Variants in DPP6 observed in about 807,000 individuals in gnomAD.
The protein encoded by DPP6 is dipeptidyl peptidase like 6.
Under a neutral mutation model 122.6 loss-of-function variants are expected in DPP6, and 69 were observed. The ratio of observed to expected loss-of-function variants is 0.56; its 90% CI spans 0.46 to 0.69. DPP6 has a LOEUF of 0.69. DPP6 is among the 30% of genes least tolerant of loss of function. The pLI is 0.00. For missense variants in DPP6, 928 were observed against 1,116.9 expected (o/e 0.83, Z 2.41); for synonymous variants, 418 against 433.1 (o/e 0.97, Z 0.43).
intron 1 of DPP6, among the ~76,000 whole-genome samples, chr7:154,029,933 C>CG (rs1799145807): frequency 6.6e-6 from 1 of 152,122 alleles, no homozygotes; most frequent in Non-Finnish European, 1.5e-5. Context: ...CGGTGGCTCA[C>CG]GCCTGTAATC....
intron 1 of DPP6, among the ~76,000 whole-genome samples, chr7:154,171,144 G>C (rs1214026126): frequency 6.6e-6 from 1 of 152,188 alleles, no homozygotes; most frequent in African/African-American, 2.4e-5. Flanking sequence ...GGTGATCTTG[G>C]GCTAGCTGCC....
In DPP6 at chr7:154,809,338, G is replaced by A. The variant is rs1179151513; in HGVS notation, c.1666+2226G>A. 3.3e-5 allele frequency among the ~76,000 whole-genome samples: 5 copies of A among 152,082 alleles called. No homozygotes were observed. In the East Asian group the frequency reaches 9.6e-4, roughly 29 times the overall value. Reference sequence around the variant, plus strand: ...GCCAAGGAGTGTGACTGGCTGTGGTGGCCCCTCTTTAATTATTGTCCCATT... The same window carrying A: ...GCCAAGGAGTGTGACTGGCTGTGGTAGCCCCTCTTTAATTATTGTCCCATT... On this transcript the variant is annotated intron_variant, in intron 16 of 25. Coordinates refer to ENST00000377770, the MANE Select transcript of DPP6 (RefSeq NM_130797.4).
chr7:154,281,497 C>T (rs886427810), intron 1 of DPP6, among the ~76,000 whole-genome samples: 2 of 152,092 alleles, frequency 1.3e-5, no homozygotes, highest in Non-Finnish European at 2.9e-5. Context: ...GATTTATGAA[C>T]ACAAACAGTA....
intron 21 of DPP6, among the ~76,000 whole-genome samples, chr7:154,882,873 A>G (rs559542572): frequency 6.6e-6 from 1 of 152,162 alleles, no homozygotes; most frequent in Admixed American, 6.5e-5. Flanking sequence ...GCCCTATTAA[A>G]GGAACACACC....
chr7:154,241,219 G>GTGTGTATA lies in DPP6; in HGVS notation c.243+188157_243+188158insGTGTATAT, dbSNP rs1444102599. Among the ~76,000 whole-genome samples, 25 of 142,868 alleles carry GTGTGTATA rather than the reference G, an allele frequency of 1.7e-4. No homozygotes were observed. The highest frequency in any genetic ancestry group is 5.5e-4 in the Admixed American group (8 of 14,638). 93.7% of individuals were successfully genotyped at this position (142,868 alleles called of 152,430 possible). On this transcript the variant is annotated intron_variant, in intron 1 of 25. Transcript: ENST00000377770. This position sits in a 1 kb window ranked among gnomAD's most constrained non-coding sequence, Gnocchi z 9.0. ...TGTGTGTGTGTGTGTGTGTGTGTGT[G>GTGTGTATA]TATATATATATAGAGAGAGAGAGAG...
At chr7:154,650,925 A>G (rs1039724945) in intron 6 of DPP6, among the ~76,000 whole-genome samples, 3 of 152,172 alleles carry the variant, frequency 2.0e-5, no homozygotes, top group Non-Finnish European at 4.4e-5. Context: ...GAAAATTTAG[A>G]CAACCAAGGT....
At chr7:153,974,172 T>A (rs1317454175) in intron 1 of DPP6, among the ~76,000 whole-genome samples, 4 of 152,170 alleles carry the variant, frequency 2.6e-5, no homozygotes, top group African/African-American at 9.7e-5. Context: ...TGGGCCTATT[T>A]AAGGCACTGC....
chr7:153,781,251 T>C, the DPP6 span, among the ~76,000 whole-genome samples: 24 of 148,014 alleles, frequency 1.6e-4, no homozygotes, highest in Non-Finnish European at 2.9e-4. Flanking sequence ...TGACTTCCTA[T>C]TGCCTTCGTT....
intron 1 of DPP6, among the ~76,000 whole-genome samples, chr7:154,373,079 G>A (rs1408298753): frequency 2.6e-5 from 4 of 152,116 alleles, no homozygotes; most frequent in African/African-American, 7.2e-5. Flanking sequence ...TTCCTCTCTC[G>A]TTTTCTTTCT....
intron 2 of DPP6, among the ~76,000 whole-genome samples, chr7:154,472,421 G>A (rs1206486109): frequency 6.7e-6 from 1 of 150,164 alleles, no homozygotes; most frequent in African/African-American, 2.4e-5. Flanking sequence ...CCTTTATCTT[G>A]GCTAGCAGCC....
intron 16 of DPP6, among the ~76,000 whole-genome samples, chr7:154,825,378 G>A (rs1391278665): frequency 6.6e-6 from 1 of 152,224 alleles, no homozygotes; most frequent in Non-Finnish European, 1.5e-5. Flanking sequence ...ACAGAGTTGA[G>A]TAAGACAGCG....
At chr7:154,247,795 G>C (rs961067556) in intron 1 of DPP6, among the ~76,000 whole-genome samples, 1 of 152,082 alleles carries the variant, frequency 6.6e-6, no homozygotes, top group African/African-American at 2.4e-5. Context: ...GAAAAGACTT[G>C]TACAGGAAAG....
intron 3 of DPP6, among the ~76,000 whole-genome samples, chr7:154,522,843 G>T (rs940883233): frequency 6.6e-6 from 1 of 152,228 alleles, no homozygotes; most frequent in African/African-American, 2.4e-5. Context: ...ATGGGAACGT[G>T]CACCTCTGGC....
intron 5 of DPP6, among the ~76,000 whole-genome samples, chr7:154,574,773 G>T (rs1182154219): frequency 7.8e-6 from 1 of 128,194 alleles, no homozygotes; most frequent in Non-Finnish European, 1.6e-5. Context: ...TATGTGTGTG[G>T]TGCATATGTG....
intron 1 of DPP6, among the ~76,000 whole-genome samples, chr7:153,952,051 A>G (rs950024129): frequency 4.6e-5 from 7 of 152,198 alleles, no homozygotes; most frequent in African/African-American, 1.4e-4. Context: ...TCAAAAAAGA[A>G]AGAAAGAAAG....
intron 1 of DPP6, among the ~76,000 whole-genome samples, chr7:154,367,822 G>T (rs976647488): frequency 1.3e-5 from 2 of 152,154 alleles, no homozygotes; most frequent in Non-Finnish European, 2.9e-5. Flanking sequence ...TTGATTGATT[G>T]ATTTTTGAGA....
intron 6 of DPP6, among the ~76,000 whole-genome samples, chr7:154,643,773 C>A (rs974031270): frequency 3.3e-5 from 5 of 152,224 alleles, no homozygotes; most frequent in African/African-American, 7.2e-5. Context: ...TTAACACTAC[C>A]CACCAAAGAA....
At chr7:154,747,725 C>A (rs1273557074) in intron 8 of DPP6, among the ~76,000 whole-genome samples, 1 of 152,144 alleles carries the variant, frequency 6.6e-6, no homozygotes, top group African/African-American at 2.4e-5. Flanking sequence ...CTTGCTATGA[C>A]CACCCACCCA....
chr7:154,449,439 A>G (rs1301750098), intron 2 of DPP6, among the ~76,000 whole-genome samples: 4 of 152,174 alleles, frequency 2.6e-5, no homozygotes, highest in Non-Finnish European at 5.9e-5. Flanking sequence ...GAAAATAGTA[A>G]GTATTCCCAG....
Sources: allele counts gnomAD v4.1 joint callset (sites outside exome capture counted in the v4.1 genomes callset), GRCh38; gene constraint gnomAD v4.1.1; non-coding constraint Gnocchi (gnomAD v3.1); transcripts MANE v1.5; gene names NCBI Gene and HGNC (gene_info 2026-07-23, HGNC 2026-07-21).